Variants in GPR157 observed in about 807,000 individuals in gnomAD.
GPR157 encodes G-protein coupled receptor 157.
Under a neutral mutation model 23.5 loss-of-function variants are expected in GPR157, and 16 were observed. That is an observed-to-expected ratio of 0.68 (90% CI 0.46 to 1.04). The LOEUF is 1.04. Among genes scored for constraint, GPR157 ranks in the 50% least tolerant of loss-of-function variants. The pLI, the probability that GPR157 is intolerant of heterozygous loss-of-function variation, is 0.00. For missense variants in GPR157, 440 were observed against 460.7 expected (o/e 0.96, Z 0.41); for synonymous variants, 200 against 221.5 (o/e 0.90, Z 0.86).
Position 9,100,471 on chromosome 1 carries a change from G to C in GPR157, c.*3948C>G, listed in dbSNP as rs985277545. 3.9e-5 allele frequency: 6 copies of C among 152,184 alleles called. No individual in the cohort carries two copies. Among genetic ancestry groups the C allele is most frequent in the African/African-American group, 1.4e-4 (6 of 41,446 alleles). 9.4% of individuals were successfully genotyped at this position (152,184 alleles called of 1,614,324 possible). A position where few individuals can be genotyped will look rare whatever the true frequency, so the allele number is the denominator to read the frequency against. The stretch of plus-strand genomic sequence containing the variant: ...TTGTCGTGGACACGTGAAGAGTTCT[G>C]TTTGCACCCTCAGCCTGGGCCAAAT... On this transcript the variant is annotated 3_prime_UTR_variant, in exon 4 of 4. Coordinates refer to ENST00000377411, the MANE Select transcript of GPR157 (RefSeq NM_024980.5).
chr1:9,103,558 T>A lies in GPR157; in HGVS notation c.*861A>T, dbSNP rs1326712520. The A allele has an allele frequency of 1.3e-5, 2 of 152,112 alleles. No homozygotes were observed. The highest frequency in any genetic ancestry group is 1.9e-4 in the East Asian group (1 of 5,192). 9.4% of individuals were successfully genotyped at this position (152,112 alleles called of 1,614,324 possible). A position where few individuals can be genotyped will look rare whatever the true frequency, so the allele number is the denominator to read the frequency against. On this transcript the variant is annotated 3_prime_UTR_variant, in exon 4 of 4. Transcript: ENST00000377411. The stretch of plus-strand genomic sequence containing the variant: ...ATAAGCCAGAACCCCTCCCTACTCA[T>A]CCCCTTTGGTCTCCCCAAGAAGAGG...
chr1:9,104,431 A>T lies in GPR157; in HGVS notation c.996T>A (p.Leu332=). ...AAAGGACAAAAGCTCAGGTGCTTGG[A>T]AGTTCCCCTGGGGTCCCTTGGGATT... ...SQESQGTPGE[L]PST is the part of the protein sequence containing the mutation. Residue 332 remains leucine (L), a synonymous_variant, in exon 4 of 4, where the codon CTT becomes CTA. Coordinates refer to ENST00000377411, the MANE Select transcript of GPR157 (RefSeq NM_024980.5). 6.2e-7 allele frequency: 1 copy of T among 1,613,774 alleles called. No individual in the cohort carries two copies. The highest frequency in any genetic ancestry group is 8.5e-7 in the Non-Finnish European group (1 of 1,179,830).
chr1:9,119,409 T>C (rs2505976), intron 1 of GPR157, among the ~76,000 whole-genome samples: 140,154 of 152,292 alleles, frequency 0.92, 64,664 homozygotes, highest in East Asian at 1. Flanking sequence ...AAAGGGAAGA[T>C]CAAGTGAAGA....
In GPR157 at chr1:9,104,244, T is replaced by G; in HGVS notation, c.*175A>C. ...ACCGGTGGAACTTGCTGCCTGAGGA[T>G]CTAGGAGGTAGAAGAAGCTGAGTTG... On this transcript the variant is annotated 3_prime_UTR_variant, in exon 4 of 4. Transcript: ENST00000377411. The G allele has an allele frequency of 1.7e-6, 1 of 593,968 alleles. No homozygotes were observed. Among genetic ancestry groups the G allele is most frequent in the Non-Finnish European group, 3.0e-6 (1 of 333,650 alleles). 36.8% of individuals were successfully genotyped at this position (593,968 alleles called of 1,614,324 possible).
intron 1 of GPR157, among the ~76,000 whole-genome samples, chr1:9,121,500 C>T (rs1003586253): frequency 2.8e-5 from 4 of 145,188 alleles, no homozygotes; most frequent in Non-Finnish European, 6.0e-5. Context: ...ATTAGCCAGA[C>T]GTGGTGGTGT....
Position 9,101,870 on chromosome 1 carries a change from C to T in GPR157, c.*2549G>A, listed in dbSNP as rs376236623. ...ACTATTCCTCTGTGGCCTATATTGT[C>T]TTTTCTCTTTTACCTGTTAATCATG... On this transcript the variant is annotated 3_prime_UTR_variant, in exon 4 of 4. Transcript: ENST00000377411. The T allele has an allele frequency of 6.6e-6, 1 of 152,318 alleles. No homozygotes were observed. Among genetic ancestry groups the T allele is most frequent in the African/African-American group, 2.4e-5 (1 of 41,562 alleles). The allele number at this position is 152,318 out of a possible 1,614,324, so 9.4% of individuals were successfully genotyped here. A position where few individuals can be genotyped will look rare whatever the true frequency, so the allele number is the denominator to read the frequency against.
At chr1:9,123,173 A>AT (rs1557700405) in intron 1 of GPR157, among the ~76,000 whole-genome samples, 32 of 124,716 alleles carry the variant, frequency 2.6e-4, no homozygotes, top group African/African-American at 8.5e-4. Context: ...GAAAAAAAAA[A>AT]AATATATATA....
At chr1:9,111,197 G>C (rs1282589493) in intron 2 of GPR157, 79 bp downstream of exon 2, 2 of 1,389,824 alleles carry the variant, frequency 1.4e-6, no homozygotes, top group South Asian at 2.4e-5. Flanking sequence ...TCCCCTCGGG[G>C]GGCCAAACTC....
intron 1 of GPR157, among the ~76,000 whole-genome samples, chr1:9,112,162 C>T (rs896799617): frequency 3.3e-5 from 5 of 152,302 alleles, no homozygotes; most frequent in African/African-American, 4.8e-5. Flanking sequence ...CACCAGCGTG[C>T]GAACACCTGT....
intron 2 of GPR157, among the ~76,000 whole-genome samples, chr1:9,110,376 A>G (rs12722741): frequency 0.11 from 16,832 of 152,168 alleles, 998 homozygotes; most frequent in Middle Eastern, 0.2. Context: ...AACAAAAATT[A>G]GCTGGGCGTG....
At position 9,103,923 on chromosome 1, in the gene GPR157, T is replaced by A. The variant is rs977903371; in HGVS notation, c.*496A>T. 6.5e-6 allele frequency: 1 copy of A among 153,286 alleles called. No homozygotes were observed. Among genetic ancestry groups the A allele is most frequent in the Non-Finnish European group, 1.5e-5 (1 of 68,786 alleles). The allele number at this position is 153,286 out of a possible 1,614,324, so 9.5% of individuals were successfully genotyped here. The stretch of plus-strand genomic sequence containing the variant: ...CAACTGGTTCCTCTGTTGAGCAAAG[T>A]CTCCAAGGAAAGCCGGGTTCTCCAG... On this transcript the variant is annotated 3_prime_UTR_variant, in exon 4 of 4. Coordinates refer to ENST00000377411, the MANE Select transcript of GPR157 (RefSeq NM_024980.5).
intron 2 of GPR157, among the ~76,000 whole-genome samples, chr1:9,109,104 A>C (rs1329561662): frequency 1.1e-5 from 1 of 92,874 alleles, no homozygotes; most frequent in Non-Finnish European, 2.1e-5. Context: ...TTTTTTTGAG[A>C]TGGAGTCTTG....
chr1:9,116,620 G>A (rs770434278), intron 1 of GPR157, among the ~76,000 whole-genome samples: 1 of 150,452 alleles, frequency 6.6e-6, no homozygotes, highest in Non-Finnish European at 1.5e-5. Context: ...GCACGTGCCT[G>A]TAATCCCAGC....
chr1:9,114,793 C>T (rs568669871), intron 1 of GPR157, among the ~76,000 whole-genome samples: 1 of 151,890 alleles, frequency 6.6e-6, no homozygotes, highest in Non-Finnish European at 1.5e-5. Flanking sequence ...TGGCAGTACA[C>T]ACCTGTAATC....
intron 2 of GPR157, among the ~76,000 whole-genome samples, chr1:9,107,404 C>T (rs917726823): frequency 4.0e-5 from 6 of 151,768 alleles, no homozygotes; most frequent in Non-Finnish European, 8.8e-5. Flanking sequence ...TTTGGGAGGT[C>T]AAGGCAGGAG....
At chr1:9,111,058 GCT>G in intron 2 of GPR157, 1 of 609,302 alleles carries the variant, frequency 1.6e-6, no homozygotes, top group Non-Finnish European at 3.0e-6. Flanking sequence ...ACAGGACCCG[GCT>G]CCTAACGGGG....
chr1:9,104,164 A>G lies in GPR157; in HGVS notation c.*255T>C. The G allele has an allele frequency of 4.1e-6, 2 of 487,086 alleles. No individual in the cohort carries two copies. Among genetic ancestry groups the G allele is most frequent in the Non-Finnish European group, 7.5e-6 (2 of 267,408 alleles). The allele number at this position is 487,086 out of a possible 1,614,324, so 30.2% of individuals were successfully genotyped here. ...CAGCTGTGGGCCACCGGCTTCCCGA[A>G]TCTCACTGCTACCCTTATGCAGATG... On this transcript the variant is annotated 3_prime_UTR_variant, in exon 4 of 4. Transcript: ENST00000377411.
intron 1 of GPR157, among the ~76,000 whole-genome samples, chr1:9,123,202 TTA>T (rs1187768650): frequency 3.1e-5 from 4 of 128,216 alleles, no homozygotes; most frequent in Non-Finnish European, 3.2e-5. Flanking sequence ...TAAATAAAAT[TTA>T]TATATATATT....
rs1339632087 is a variant in GPR157, at chr1:9,120,476, G to A, written c.383+8169C>T. On this transcript the variant is annotated intron_variant, in intron 1 of 3. Coordinates refer to ENST00000377411, the MANE Select transcript of GPR157 (RefSeq NM_024980.5). This position sits in a 1 kb window ranked among gnomAD's most constrained non-coding sequence, Gnocchi z 4.1. ...TTTAAAAACCTCAGGACAGAGCAGG[G>A]CTGGGGGAAGCCCAGCTGTAGGGAG... Among the ~76,000 whole-genome samples, 1 of 152,192 alleles carries A rather than the reference G, an allele frequency of 6.6e-6. No homozygotes were observed. Among genetic ancestry groups the A allele is most frequent in the Non-Finnish European group, 1.5e-5 (1 of 68,032 alleles).
Sources: gnomAD v4.1 joint callset for allele counts (sites outside exome capture counted in the v4.1 genomes callset) on GRCh38, gnomAD v4.1.1 for gene constraint, Gnocchi (gnomAD v3.1) non-coding constraint, MANE v1.5 for transcripts, NCBI Gene and HGNC (gene_info 2026-07-23, HGNC 2026-07-21) for gene names.